HERPUD1: variants seen among roughly 807,000 people sequenced by gnomAD.
The protein encoded by HERPUD1 is homocysteine-responsive endoplasmic reticulum-resident ubiquitin-like domain member 1 protein.
A neutral mutation model predicts 45.0 loss-of-function variants in HERPUD1; 17 were observed. The ratio of observed to expected loss-of-function variants is 0.38; its 90% CI spans 0.26 to 0.57. The LOEUF (loss-of-function observed/expected upper bound fraction) is 0.57, where lower values mean the gene tolerates loss of function less well. Ranked by LOEUF, HERPUD1 falls within the 20% of genes least tolerant of loss-of-function variation. HERPUD1 has a pLI of 0.72. For missense variants in HERPUD1, 420 were observed against 490.5 expected (o/e 0.86, Z 1.36); for synonymous variants, 164 against 177.5 (o/e 0.92, Z 0.61).
rs183144809 is a variant in HERPUD1 at position 56,935,554 on chromosome 16, C to T, written c.300+79C>T. The T allele has an allele frequency of 6.6e-6, 8 of 1,211,310 alleles. No individual in the cohort carries two copies. The Admixed American group carries it at 6.8e-5, about 10-fold the overall frequency. The allele number at this position is 1,211,310 out of a possible 1,614,324, so 75.0% of individuals were successfully genotyped here. A position where few individuals can be genotyped will look rare whatever the true frequency, so the allele number is the denominator to read the frequency against. ...GAGTAATAAAAGAAGTTGGATAAAA[C>T]GTTTATTGAGAGACTGTATGGTGTT... On this transcript the variant is annotated intron_variant, in intron 3 of 7. Coordinates refer to ENST00000439977, the MANE Select transcript of HERPUD1 (RefSeq NM_014685.4).
chr16:56,935,530 A>T, intron 3 of HERPUD1, 55 bp downstream of exon 3: 1 of 1,413,848 alleles, frequency 7.1e-7, no homozygotes, highest in East Asian at 2.3e-5. Flanking sequence ...CTTTCAGGGG[A>T]GTAATAAAAG....
At chr16:56,933,199 A>G (rs1426015938) in intron 1 of HERPUD1, 8 of 450,874 alleles carry the variant, frequency 1.8e-5, no homozygotes, top group Middle Eastern at 3.3e-4. Flanking sequence ...CACGAGCATA[A>G]TTCTTCATCA....
At chr16:56,940,390 TC>T in intron 6 of HERPUD1, 145 bp downstream of exon 6, 1 of 632,396 alleles carries the variant, frequency 1.6e-6, no homozygotes, top group Non-Finnish European at 2.7e-6. Context: ...CACTGCAATC[TC>T]CGCTTCCCAG....
chr16:56,943,556 G>A lies in HERPUD1; in HGVS notation c.*266G>A. On this transcript the variant is annotated 3_prime_UTR_variant, in exon 8 of 8. Coordinates refer to ENST00000439977, the MANE Select transcript of HERPUD1 (RefSeq NM_014685.4). ...AGTTTAATAAGCACTGTACGTAGAAGGCCTTAGGTGTTGCATGTCTATGCT... is the reference window on the plus strand; with the variant it reads ...AGTTTAATAAGCACTGTACGTAGAAAGCCTTAGGTGTTGCATGTCTATGCT... The A allele has an allele frequency of 2.0e-6, 1 of 509,500 alleles. No individual in the cohort carries two copies. The highest frequency in any genetic ancestry group is 2.1e-5 in the South Asian group (1 of 48,192). 31.6% of individuals were successfully genotyped at this position (509,500 alleles called of 1,614,324 possible).
In HERPUD1 at chr16:56,943,238, A is replaced by G. The variant is rs2055925170; in HGVS notation, c.1124A>G (p.Lys375Arg). ...ATGAGCACAGCATGGCTTGTCTTCA[A>G]GACTTTCTTTGCCTCTCTTCTTCCA... ...SFMSTAWLVF[K>R]TFFASLLPEG... Residue 375 changes from lysine to arginine, a missense_variant, in exon 8 of 8, where the codon AAG (lysine) becomes AGG (arginine). Physicochemically the swap from Lys to Arg is conservative, Grantham distance 26. Transcript: ENST00000439977. 2 of 1,614,184 alleles carry G rather than the reference A, an allele frequency of 1.2e-6. No homozygotes were observed. The highest frequency in any genetic ancestry group is 1.7e-6 in the Non-Finnish European group (2 of 1,180,030).
intron 6 of HERPUD1, chr16:56,941,424 A>G (rs1292965434): frequency 6.6e-6 from 1 of 152,236 alleles, no homozygotes; most frequent in Non-Finnish European, 1.5e-5. Context: ...TAGTAGAAGC[A>G]AGAGTGCTGC....
intron 3 of HERPUD1, chr16:56,935,750 G>T: frequency 2.3e-6 from 1 of 429,676 alleles, no homozygotes. Flanking sequence ...TGTGTATCTA[G>T]ATTACTGAAC....
At chr16:56,938,672 G>A (rs2055885802) in intron 4 of HERPUD1, among the ~76,000 whole-genome samples, 1 of 152,046 alleles carries the variant, frequency 6.6e-6, no homozygotes, top group Admixed American at 6.6e-5. Context: ...TCCCTGAGCT[G>A]TACTTGGGTT....
intron 3 of HERPUD1, chr16:56,935,684 A>G: frequency 1.7e-6 from 1 of 579,652 alleles, no homozygotes; most frequent in Non-Finnish European, 3.1e-6. Context: ...GCTGTAGTAG[A>G]AAGGTGGAGT....
chr16:56,935,057 A>C, intron 1 of HERPUD1, 178 bp from the exon 2 acceptor site: 1 of 587,314 alleles, frequency 1.7e-6, no homozygotes, highest in South Asian at 2.0e-5. Context: ...AGACCAGTTA[A>C]AGTTAAGACA....
rs79099545 is a variant in HERPUD1, at chr16:56,938,919, A to C, written c.432-318A>C. On this transcript the variant is annotated intron_variant, in intron 4 of 7. Coordinates refer to ENST00000439977, the MANE Select transcript of HERPUD1 (RefSeq NM_014685.4). Reference sequence around the variant, plus strand: ...AGATGAACAGTGGGTTGAGACCTGCAGTGAGACTCAACAAGTCAAAACTGA... The same window carrying C: ...AGATGAACAGTGGGTTGAGACCTGCCGTGAGACTCAACAAGTCAAAACTGA... Among the ~76,000 whole-genome samples, 1,151 of 152,310 alleles carry C rather than the reference A, an allele frequency of 7.6e-3. 13 individuals carry two copies. The highest frequency in any genetic ancestry group is 0.026 in the African/African-American group (1,079 of 41,578).
chr16:56,934,751 G>A (rs865983521), intron 1 of HERPUD1, among the ~76,000 whole-genome samples: 42 of 114,800 alleles, frequency 3.7e-4, no homozygotes, highest in Middle Eastern at 9.3e-3. Flanking sequence ...TCACTCTGTC[G>A]CCCAGGCTGG....
chr16:56,935,064 G>C (rs2144816670), intron 1 of HERPUD1, 171 bp from the exon 2 acceptor site: 1 of 595,714 alleles, frequency 1.7e-6, no homozygotes, highest in East Asian at 2.8e-5. Flanking sequence ...TTAAAGTTAA[G>C]ACACTTTCTA....
At chr16:56,939,796 C>A in intron 5 of HERPUD1, 99 bp from the exon 6 acceptor site, 1 of 884,430 alleles carries the variant, frequency 1.1e-6, no homozygotes, top group Non-Finnish European at 1.8e-6. Context: ...TATCTACCTA[C>A]TTGAAATTCT....
At position 56,942,121 on chromosome 16, in the gene HERPUD1, T is replaced by G. The variant is rs1398188708; in HGVS notation, c.906-11T>G. Reference sequence around the variant, plus strand: ...TCAGCTAAGATGGACTTTTATGTGCTTCCTTTGAAGGCATCACGTTGGGTG... The same window carrying G: ...TCAGCTAAGATGGACTTTTATGTGCGTCCTTTGAAGGCATCACGTTGGGTG... On this transcript the variant is annotated splice_polypyrimidine_tract_variant and intron_variant, in intron 6 of 7. Coordinates refer to ENST00000439977, the MANE Select transcript of HERPUD1 (RefSeq NM_014685.4). 1 of 1,609,382 alleles carries G rather than the reference T, an allele frequency of 6.2e-7. No individual in the cohort carries two copies.
rs1305432769 is a variant in HERPUD1 at position 56,944,471 on chromosome 16, T to A, written c.*1181T>A. Reference sequence around the variant, plus strand: ...TTTTTTGTTTTTTTTGGTGGTGTTTTTGTTTTTGTTTTGAGATGGAGTCTC... The same window carrying A: ...TTTTTTGTTTTTTTTGGTGGTGTTTATGTTTTTGTTTTGAGATGGAGTCTC... On this transcript the variant is annotated 3_prime_UTR_variant, in exon 8 of 8. Transcript: ENST00000439977. 2 of 152,190 alleles carry A rather than the reference T, an allele frequency of 1.3e-5. No individual in the cohort carries two copies. The highest frequency in any genetic ancestry group is 2.9e-5 in the Non-Finnish European group (2 of 68,068). 9.4% of individuals were successfully genotyped at this position (152,190 alleles called of 1,614,324 possible). A position where few individuals can be genotyped will look rare whatever the true frequency, so the allele number is the denominator to read the frequency against.
intron 1 of HERPUD1, among the ~76,000 whole-genome samples, chr16:56,932,844 A>G (rs1409430005): frequency 1.3e-5 from 2 of 152,310 alleles, no homozygotes; most frequent in Admixed American, 6.5e-5. Flanking sequence ...CACACCCAGA[A>G]GCAGGACGTG....
At chr16:56,940,543 T>A (rs2055902062) in intron 6 of HERPUD1, 1 of 314,612 alleles carries the variant, frequency 3.2e-6, no homozygotes, top group Non-Finnish European at 6.0e-6. Flanking sequence ...TGACCTCAAG[T>A]GATCTGCCCA....
rs1327429860 is a variant in HERPUD1 at position 56,944,399 on chromosome 16, A to G, written c.*1109A>G. ...TTTCATGCTTTTGTAAGCTGAGCTT[A>G]TGTTTGTGATTTTAATCCTTTAAGT... On this transcript the variant is annotated 3_prime_UTR_variant, in exon 8 of 8. Coordinates refer to ENST00000439977, the MANE Select transcript of HERPUD1 (RefSeq NM_014685.4). 6.6e-6 allele frequency: 1 copy of G among 152,112 alleles called. No individual in the cohort carries two copies. Among genetic ancestry groups the G allele is most frequent in the Non-Finnish European group, 1.5e-5 (1 of 68,000 alleles). The allele number at this position is 152,112 out of a possible 1,614,324, so 9.4% of individuals were successfully genotyped here. A position where few individuals can be genotyped will look rare whatever the true frequency, so the allele number is the denominator to read the frequency against.
Sources: gnomAD v4.1 joint callset for allele counts (sites outside exome capture counted in the v4.1 genomes callset) on GRCh38, gnomAD v4.1.1 for gene constraint, MANE v1.5 for transcripts, NCBI Gene and HGNC (gene_info 2026-07-23, HGNC 2026-07-21) for gene names.